PTPN13: variants seen among roughly 807,000 people sequenced by gnomAD.
PTPN13 encodes tyrosine-protein phosphatase non-receptor type 13.
Under a neutral mutation model 284.0 loss-of-function variants are expected in PTPN13, and 191 were observed. The observed-to-expected ratio is 0.67, with a 90% CI of 0.60 to 0.76. PTPN13 has a LOEUF of 0.76. PTPN13 is among the 30% of genes least tolerant of loss of function. The pLI, the probability that PTPN13 is intolerant of heterozygous loss-of-function variation, is 0.00. For missense variants in PTPN13, 2,797 were observed against 2,939.9 expected (o/e 0.95, Z 1.12); for synonymous variants, 986 against 1,022.3 (o/e 0.96, Z 0.68).
chr4:86,732,272 T>C (rs1578522176), intron 10 of PTPN13, 128 bp from the exon 11 acceptor site: 7 of 747,538 alleles, frequency 9.4e-6, no homozygotes, highest in African/African-American at 5.3e-5. Context: ...TTGTTTTAGA[T>C]CACCTAGTTC....
intron 1 of PTPN13, among the ~76,000 whole-genome samples, chr4:86,631,081 G>A (rs1040116711): frequency 6.6e-6 from 1 of 152,086 alleles, no homozygotes; most frequent in African/African-American, 2.4e-5. Context: ...GAGAATAAAA[G>A]TAAATAATAT....
At chr4:86,699,087 C>T (rs1433245612) in intron 6 of PTPN13, among the ~76,000 whole-genome samples, 1 of 151,920 alleles carries the variant, frequency 6.6e-6, no homozygotes, top group African/African-American at 2.4e-5. Context: ...TTTAAGATGG[C>T]AAAGAAAAGA....
At chr4:86,686,800 A>G (rs1352356455) in intron 4 of PTPN13, 25 bp downstream of exon 4, 2 of 1,489,972 alleles carry the variant, frequency 1.3e-6, no homozygotes, top group East Asian at 2.4e-5. Context: ...TACAGTTGTT[A>G]TACTTTTTAC....
At position 86,701,433 on chromosome 4, in the gene PTPN13, A is replaced by C. The variant is rs1190488467; in HGVS notation, c.827A>C (p.Gln276Pro). 1.9e-6 allele frequency: 3 copies of C among 1,613,786 alleles called. No individual in the cohort carries two copies. Among genetic ancestry groups the C allele is most frequent in the Admixed American group, 1.7e-5 (1 of 60,012 alleles). ...TCTGAAAATACATTCTCCCCTTACC[A>C]GTTCAAAACTAGTGGCCCAGAAAAA... ...EDSENTFSPY[Q>P]FKTSGPEKKP... Residue 276 changes from glutamine (Q) to proline (P), a missense_variant, in exon 7 of 48, where the codon CAG becomes CCG. By Grantham distance (76) the Gln-to-Pro change is moderately conservative. Transcript: ENST00000411767.
At chr4:86,803,088 G>GTGTGTC (rs1310667019) in intron 42 of PTPN13, among the ~76,000 whole-genome samples, 46 of 151,382 alleles carry the variant, frequency 3.0e-4, no homozygotes, top group African/African-American at 1.1e-3. Flanking sequence ...GTGTGTGTGT[G>GTGTGTC]TGTGTGTGTG....
At chr4:86,598,454 G>C (rs1764019273) in intron 1 of PTPN13, among the ~76,000 whole-genome samples, 1 of 152,136 alleles carries the variant, frequency 6.6e-6, no homozygotes, top group Non-Finnish European at 1.5e-5. Flanking sequence ...CCCTCTCAAG[G>C]TATTTTGAGG....
At chr4:86,773,377 C>G (rs1285857159) in intron 32 of PTPN13, among the ~76,000 whole-genome samples, 1 of 152,014 alleles carries the variant, frequency 6.6e-6, no homozygotes, top group African/African-American at 2.4e-5. Context: ...TGATGAGTTA[C>G]CTATTTGATT....
At position 86,762,973 on chromosome 4, in the gene PTPN13, G is replaced by A. The variant is rs779848095; in HGVS notation, c.3800G>A (p.Ser1267Asn). The change falls in exon 24 of 48, where the codon AGC (serine) becomes AAC (asparagine). Residue 1267 changes from serine (S) to asparagine (N), a missense_variant. Ser to Asn is a conservative substitution (Grantham distance 46). Coordinates refer to ENST00000411767, the MANE Select transcript of PTPN13 (RefSeq NM_080683.3). ...AGCCAGGTCAATGGTTTCTTTGCCA[G>A]CCATTTAGGTGACCAAACCTGGCAG... The part of the protein sequence containing the change: ...SQSQVNGFFA[S>N]HLGDQTWQES... The A allele has an allele frequency of 6.2e-7, 1 of 1,613,844 alleles. No homozygotes were observed. Among genetic ancestry groups the A allele is most frequent in the South Asian group, 1.1e-5 (1 of 91,082 alleles).
At chr4:86,687,314 G>A (rs561129093) in intron 4 of PTPN13, among the ~76,000 whole-genome samples, 39 of 152,246 alleles carry the variant, frequency 2.6e-4, no homozygotes, top group Middle Eastern at 6.8e-3. Flanking sequence ...CACTTGCTGA[G>A]GTCTTGGGCC....
chr4:86,677,435 C>T (rs1037463792), intron 3 of PTPN13, among the ~76,000 whole-genome samples: 3 of 151,298 alleles, frequency 2.0e-5, no homozygotes, highest in Admixed American at 6.6e-5. Flanking sequence ...CTGCCTCAGC[C>T]TCCCAAGTAG....
At chr4:86,634,845 C>T (rs2148719952) in intron 1 of PTPN13, among the ~76,000 whole-genome samples, 1 of 152,318 alleles carries the variant, frequency 6.6e-6, no homozygotes, top group Middle Eastern at 3.4e-3. Flanking sequence ...AGGTTCTCCT[C>T]TCTATTTCTC....
At chr4:86,661,828 CTT>C (rs1726523066) in intron 2 of PTPN13, among the ~76,000 whole-genome samples, 1 of 152,114 alleles carries the variant, frequency 6.6e-6, no homozygotes, top group South Asian at 2.1e-4. Context: ...GTGTTTCTGT[CTT>C]TGTGTAAATT....
In PTPN13 at chr4:86,722,111, G is replaced by A. The variant is rs994796336; in HGVS notation, c.1386-101G>A. 7 of 939,332 alleles carry A rather than the reference G, an allele frequency of 7.5e-6. No individual in the cohort carries two copies. In the African/African-American group the frequency reaches 1.2e-4, roughly 16 times the overall value. The allele number at this position is 939,332 out of a possible 1,614,324, so 58.2% of individuals were successfully genotyped here. On this transcript the variant is annotated intron_variant, in intron 9 of 47. Transcript: ENST00000411767. ...CTTCTGAGATGGGAAAATAAAATTT[G>A]TTTAAACTCTTGCAACCTTACTTAA... is the stretch of plus-strand genomic sequence containing the variant.
intron 35 of PTPN13, among the ~76,000 whole-genome samples, chr4:86,779,918 A>G (rs1318000287): frequency 6.6e-6 from 1 of 152,214 alleles, no homozygotes; most frequent in Non-Finnish European, 1.5e-5. Context: ...GGCTTTAGAT[A>G]TATAAAACTT....
chr4:86,723,870 C>T (rs1186297074), intron 10 of PTPN13, among the ~76,000 whole-genome samples: 1 of 152,038 alleles, frequency 6.6e-6, no homozygotes, highest in Non-Finnish European at 1.5e-5. Context: ...TAGTTCTGCA[C>T]TAAGAAATTG....
intron 2 of PTPN13, among the ~76,000 whole-genome samples, chr4:86,654,985 A>C (rs978840772): frequency 5.3e-5 from 8 of 152,136 alleles, no homozygotes; most frequent in Non-Finnish European, 1.0e-4. Flanking sequence ...GATCCCTTCA[A>C]CATTATGTAA....
intron 1 of PTPN13, among the ~76,000 whole-genome samples, chr4:86,601,472 GA>G (rs1764288954): frequency 6.6e-6 from 1 of 151,906 alleles, no homozygotes; most frequent in Non-Finnish European, 1.5e-5. Context: ...GAGTTACAGT[GA>G]AAAATTTAGA....
At chr4:86,631,853 A>G (rs1420231851) in intron 1 of PTPN13, among the ~76,000 whole-genome samples, 7 of 152,122 alleles carry the variant, frequency 4.6e-5, no homozygotes, top group African/African-American at 1.7e-4. Flanking sequence ...ATTATATTTT[A>G]AAACCCAATT....
intron 1 of PTPN13, 89 bp from the exon 2 acceptor site, chr4:86,635,163 T>C (rs1373184415): frequency 2.9e-6 from 4 of 1,365,668 alleles, no homozygotes; most frequent in East Asian, 5.1e-5. Context: ...AGGGGGCTTA[T>C]AGTCTGTCAT....
Sources: gnomAD v4.1 joint callset for allele counts (sites outside exome capture counted in the v4.1 genomes callset) on GRCh38, gnomAD v4.1.1 for gene constraint, MANE v1.5 for transcripts, NCBI Gene and HGNC (gene_info 2026-07-23, HGNC 2026-07-21) for gene names.